Variants in NKAIN2 observed in about 807,000 individuals in gnomAD.
NKAIN2 encodes sodium/potassium-transporting ATPase subunit beta-1-interacting protein 2.
NKAIN2 carries 14 observed loss-of-function variants against 32.6 expected under a neutral mutation model. The observed-to-expected ratio is 0.43, with a 90% CI of 0.28 to 0.67. NKAIN2 has a LOEUF of 0.67. Ranked by LOEUF, NKAIN2 falls within the 30% of genes least tolerant of loss-of-function variation. The probability of loss-of-function intolerance (pLI) is 0.17; values close to 1 mark genes in which losing one functional copy is unlikely to be tolerated. For missense variants in NKAIN2, 198 were observed against 258.3 expected, an observed-to-expected ratio of 0.77 and a Z score of 1.60; for synonymous variants, 80 against 87.2, an observed-to-expected ratio of 0.92 and a Z score of 0.46.
At chr6:124,229,570 G>T (rs1792337152) in intron 1 of NKAIN2, among the ~76,000 whole-genome samples, 1 of 149,056 alleles carries the variant, frequency 6.7e-6, no homozygotes. Flanking sequence ...ACAGGGTTTG[G>T]CTCTGTGTCC....
Position 123,865,720 on chromosome 6 carries a change from G to A in NKAIN2, c.54+61466G>A, listed in dbSNP as rs376037769. Among the ~76,000 whole-genome samples, 4 of 152,086 alleles carry A rather than the reference G, an allele frequency of 2.6e-5. No homozygotes were observed. The East Asian group carries it at 7.7e-4, about 29-fold the overall frequency. Reference sequence around the variant, plus strand: ...TAAGTAACCCCTCAGGGACCATGTGGTTCCATGAGTCTATGTCAAGCCATT... The same window carrying A: ...TAAGTAACCCCTCAGGGACCATGTGATTCCATGAGTCTATGTCAAGCCATT... On this transcript the variant is annotated intron_variant, in intron 1 of 6. Coordinates refer to ENST00000368417, the MANE Select transcript of NKAIN2 (RefSeq NM_001040214.3).
chr6:124,461,915 T>TA lies in NKAIN2; in HGVS notation c.273+106579dup, dbSNP rs566132557. 2.4e-3 allele frequency among the ~76,000 whole-genome samples: 338 copies of TA among 139,816 alleles called. 3 individuals are homozygous for TA. The highest frequency in any genetic ancestry group is 5.7e-3 in the South Asian group (25 of 4,416). The allele number at this position is 139,816 out of a possible 152,430, so 91.7% of individuals were successfully genotyped here. A position where few individuals can be genotyped will look rare whatever the true frequency, so the allele number is the denominator to read the frequency against. On this transcript the variant is annotated intron_variant, in intron 3 of 6. Coordinates refer to ENST00000368417, the MANE Select transcript of NKAIN2 (RefSeq NM_001040214.3). Reference sequence around the variant, plus strand: ...TAGATGCTGGTTTGATTGAGGTTAATAAAAAAAAAAAGAAAAGAAGAATAG... The same window carrying TA: ...TAGATGCTGGTTTGATTGAGGTTAATAAAAAAAAAAAAGAAAAGAAGAATAG...
At chr6:123,903,115 TGATA>T (rs1357036608) in intron 1 of NKAIN2, among the ~76,000 whole-genome samples, 1 of 152,240 alleles carries the variant, frequency 6.6e-6, no homozygotes, top group African/African-American at 2.4e-5. Flanking sequence ...ATTTATTGAT[TGATA>T]GTGAGTGAAA....
intron 1 of NKAIN2, among the ~76,000 whole-genome samples, chr6:124,152,915 TTA>T (rs1787801008): frequency 6.6e-6 from 1 of 151,876 alleles, no homozygotes; most frequent in South Asian, 2.1e-4. Flanking sequence ...AAGATGAATA[TTA>T]TATGTTCTCA....
At chr6:124,771,449 T>C (rs1411283248) in intron 4 of NKAIN2, among the ~76,000 whole-genome samples, 1 of 152,120 alleles carries the variant, frequency 6.6e-6, no homozygotes, top group Admixed American at 6.6e-5. Context: ...AATAGGAGAT[T>C]GAGTGAATTT....
intron 3 of NKAIN2, among the ~76,000 whole-genome samples, chr6:124,431,659 A>G (rs1775221897): frequency 6.6e-6 from 1 of 152,182 alleles, no homozygotes; most frequent in African/African-American, 2.4e-5. Context: ...TATGACCTAT[A>G]GGTATTGATT....
At chr6:124,445,939 AG>A (rs1355745198) in intron 3 of NKAIN2, among the ~76,000 whole-genome samples, 1 of 152,090 alleles carries the variant, frequency 6.6e-6, no homozygotes, top group Non-Finnish European at 1.5e-5. Context: ...TGTTTTGTAA[AG>A]TTCATCAAAA....
At chr6:123,973,277 A>G (rs539164760) in intron 1 of NKAIN2, among the ~76,000 whole-genome samples, 11 of 152,222 alleles carry the variant, frequency 7.2e-5, no homozygotes, top group African/African-American at 2.6e-4. Flanking sequence ...ACAGCTTATT[A>G]TTAACAGTTA....
chr6:124,416,231 A>C (rs922548071), intron 3 of NKAIN2, among the ~76,000 whole-genome samples: 3 of 152,210 alleles, frequency 2.0e-5, no homozygotes, highest in African/African-American at 7.2e-5. Flanking sequence ...TACTTCAAAT[A>C]ATTTAAACTG....
intron 3 of NKAIN2, among the ~76,000 whole-genome samples, chr6:124,490,575 A>G (rs1777824902): frequency 6.6e-6 from 1 of 151,760 alleles, no homozygotes; most frequent in Non-Finnish European, 1.5e-5. Context: ...TTAATGTGGT[A>G]AAATAGCAAA....
chr6:123,923,889 T>G (rs1214322416), intron 1 of NKAIN2, among the ~76,000 whole-genome samples: 1 of 151,336 alleles, frequency 6.6e-6, no homozygotes, highest in Non-Finnish European at 1.5e-5. Context: ...CATGTATATG[T>G]ATGTAACTAA....
At chr6:124,530,264 C>T (rs946419020) in intron 3 of NKAIN2, among the ~76,000 whole-genome samples, 8 of 152,100 alleles carry the variant, frequency 5.3e-5, no homozygotes, top group Non-Finnish European at 1.0e-4. Context: ...TGTTTGCTTA[C>T]AATAAAGTAA....
chr6:124,335,133 A>T (rs1238592014), intron 2 of NKAIN2, among the ~76,000 whole-genome samples: 1 of 151,206 alleles, frequency 6.6e-6, no homozygotes, highest in African/African-American at 2.4e-5. Context: ...CAGAAAAAAA[A>T]TATGCACCCA....
chr6:124,324,448 G>A (rs1797335141), intron 2 of NKAIN2, among the ~76,000 whole-genome samples: 1 of 152,004 alleles, frequency 6.6e-6, no homozygotes, highest in East Asian at 1.9e-4. Context: ...CATAGTCTGT[G>A]ATCTTAACTC....
chr6:124,050,166 T>C (rs1310026292), intron 1 of NKAIN2, among the ~76,000 whole-genome samples: 2 of 151,800 alleles, frequency 1.3e-5, no homozygotes, highest in Non-Finnish European at 2.9e-5. Context: ...AATGAGCCAA[T>C]TGGGAACTGA....
chr6:124,668,717 G>A (rs1772943736), intron 4 of NKAIN2, among the ~76,000 whole-genome samples: 1 of 152,138 alleles, frequency 6.6e-6, no homozygotes, highest in Non-Finnish European at 1.5e-5. Context: ...TTCCATGTCA[G>A]TGATTCAATA....
chr6:124,432,592 A>G (rs1332634783), intron 3 of NKAIN2, among the ~76,000 whole-genome samples: 1 of 152,166 alleles, frequency 6.6e-6, no homozygotes, highest in Non-Finnish European at 1.5e-5. Context: ...TGGGCAGCAG[A>G]GCAAGACCTG....
At chr6:124,321,360 C>A (rs1266325520) in intron 2 of NKAIN2, among the ~76,000 whole-genome samples, 1 of 152,054 alleles carries the variant, frequency 6.6e-6, no homozygotes, top group African/African-American at 2.4e-5. Flanking sequence ...AGGAGAAATA[C>A]CTAATGTAGA....
intron 1 of NKAIN2, among the ~76,000 whole-genome samples, chr6:123,941,097 T>G (rs1776799381): frequency 6.6e-6 from 1 of 151,842 alleles, no homozygotes; most frequent in South Asian, 2.1e-4. Context: ...ACCCACACAT[T>G]AGCCTAGGCC....
Sources: gnomAD v4.1 joint callset for allele counts (sites outside exome capture counted in the v4.1 genomes callset) on GRCh38, gnomAD v4.1.1 for gene constraint, MANE v1.5 for transcripts, NCBI Gene and HGNC (gene_info 2026-07-23, HGNC 2026-07-21) for gene names.